Variants in TTC34 observed in about 807,000 individuals in gnomAD.
The protein encoded by TTC34 is tetratricopeptide repeat protein 34.
Under a neutral mutation model 40.7 loss-of-function variants are expected in TTC34, and 44 were observed. The ratio of observed to expected loss-of-function variants is 1.08; its 90% CI spans 0.85 to 1.39. TTC34 has a LOEUF of 1.39. TTC34 is among the 40% of genes most tolerant of loss of function. The pLI is 0.00. For missense variants in TTC34, 884 were observed against 838.0 expected (o/e 1.05, Z -0.68); for synonymous variants, 422 against 398.6 (o/e 1.06, Z -0.70).
chr1:2,787,404 G>C (rs1643604400), intron 4 of TTC34, 77 bp downstream of exon 4: 13 of 1,341,872 alleles, frequency 9.7e-6, no homozygotes, highest in Admixed American at 2.9e-5. Context: ...CCAGCGCCAG[G>C]GCCACGGGAG....
At position 2,767,380 on chromosome 1, in the gene TTC34, C is replaced by G. The variant is rs1327273302; in HGVS notation, c.2226+16229G>C. Among the ~76,000 whole-genome samples, 1,317 of 133,020 alleles carry G rather than the reference C, an allele frequency of 9.9e-3. 2 individuals carry two copies. Among genetic ancestry groups the G allele is most frequent in the Non-Finnish European group, 0.015 (917 of 61,796 alleles). 87.3% of individuals were successfully genotyped at this position (133,020 alleles called of 152,430 possible). On this transcript the variant is annotated intron_variant, in intron 6 of 8. Coordinates refer to ENST00000401095, the Ensembl canonical transcript of TTC34. ...TCCTCACTTCCAGGTGAGCATCCGA[C>G]AGCCTGGAGCAGCACCCACACCCCC...
intron 1 of TTC34, among the ~76,000 whole-genome samples, 177 bp from the exon 2 acceptor site, chr1:2,801,045 G>A (rs941741057): frequency 4.9e-4 from 75 of 152,176 alleles, no homozygotes; most frequent in Non-Finnish European, 1.8e-4. Flanking sequence ...CCTACCAGGT[G>A]TCCCAGGCCA....
At chr1:2,642,002 C>T in intron 8 of TTC34, 107 bp from the exon 9 acceptor site, 2 of 1,252,518 alleles carry the variant, frequency 1.6e-6, no homozygotes, top group Non-Finnish European at 2.1e-6. Context: ...TGCTGGCTCC[C>T]TGGGGATGGC....
intron 6 of TTC34, among the ~76,000 whole-genome samples, chr1:2,649,766 G>C (rs1279709430): frequency 6.6e-6 from 1 of 152,078 alleles, no homozygotes; most frequent in Admixed American, 6.5e-5. Flanking sequence ...CACCCACCTC[G>C]GCCTCCCAAA....
chr1:2,761,029 G>C lies in TTC34; in HGVS notation c.2226+22580C>G, dbSNP rs1300001100. 2.7e-5 allele frequency among the ~76,000 whole-genome samples: 2 copies of C among 73,370 alleles called. 1 individual carries two copies. Among genetic ancestry groups the C allele is most frequent in the Non-Finnish European group, 4.7e-5 (2 of 42,632 alleles). 48.1% of individuals were successfully genotyped at this position (73,370 alleles called of 152,430 possible). A position where few individuals can be genotyped will look rare whatever the true frequency, so the allele number is the denominator to read the frequency against. On this transcript the variant is annotated intron_variant, in intron 6 of 8. Coordinates refer to ENST00000401095, the Ensembl canonical transcript of TTC34. ...CCAGAGGTGAGCATATGACCACCTG[G>C]AGCAGCACCCACAGTCCCAGGTGAG...
At chr1:2,659,937 C>A (rs1639479975) in intron 6 of TTC34, among the ~76,000 whole-genome samples, 1 of 151,548 alleles carries the variant, frequency 6.6e-6, no homozygotes. Context: ...CAGACTGGAA[C>A]AGCACCCACA....
intron 6 of TTC34, among the ~76,000 whole-genome samples, chr1:2,771,474 G>T (rs1161415302): frequency 1.2e-5 from 1 of 83,244 alleles, no homozygotes; most frequent in Non-Finnish European, 2.2e-5. Flanking sequence ...GTCTGGAACA[G>T]CATCCACACC....
At chr1:2,649,010 T>A (rs1461138183) in intron 6 of TTC34, among the ~76,000 whole-genome samples, 1 of 147,888 alleles carries the variant, frequency 6.8e-6, no homozygotes, top group Non-Finnish European at 1.5e-5. Context: ...CACACCCAGT[T>A]GAGCATCTGA....
intron 6 of TTC34, among the ~76,000 whole-genome samples, chr1:2,688,120 A>T (rs970874792): frequency 6.7e-6 from 1 of 148,356 alleles, no homozygotes; most frequent in African/African-American, 2.5e-5. Flanking sequence ...CTGGAACAGC[A>T]CCCACACCCC....
intron 6 of TTC34, among the ~76,000 whole-genome samples, chr1:2,698,536 GAGCATCGGGCAGCCTGGAGCAGCACCCA>G (rs1640973499): frequency 7.6e-6 from 1 of 131,304 alleles, no homozygotes; most frequent in Non-Finnish European, 1.6e-5. Flanking sequence ...ACCCCCAGGT[GAGCATCGGGCAGCCTGGAGCAGCACCCA>G]CACCCCCAGA....
At chr1:2,747,756 ACC>A (rs1641200253) in intron 6 of TTC34, among the ~76,000 whole-genome samples, 1 of 119,502 alleles carries the variant, frequency 8.4e-6, no homozygotes. Flanking sequence ...CAGCACCCAC[ACC>A]CCCAGGTGAG....
rs368484482 is a variant in TTC34 at position 2,694,836 on chromosome 1, A to C, written c.2227-49273T>G. Among the ~76,000 whole-genome samples, 2 of 90,904 alleles carry C rather than the reference A, an allele frequency of 2.2e-5. 1 individual carries two copies. The highest frequency in any genetic ancestry group is 5.7e-4 in the East Asian group (2 of 3,498). 59.6% of individuals were successfully genotyped at this position (90,904 alleles called of 152,430 possible). The stretch of plus-strand genomic sequence containing the variant: ...AGCCTGGAACGACACCCACACCCCC[A>C]GGTGAGCATCTGATGGTCTGGAGCA... On this transcript the variant is annotated intron_variant, in intron 6 of 8. Transcript: ENST00000401095.
At chr1:2,759,538 A>T (rs1641622431) in intron 6 of TTC34, among the ~76,000 whole-genome samples, 1 of 150,806 alleles carries the variant, frequency 6.6e-6, no homozygotes, top group African/African-American at 2.5e-5. Flanking sequence ...AGCATCTGAC[A>T]GCCTGGAACA....
intron 6 of TTC34, among the ~76,000 whole-genome samples, chr1:2,771,556 ACACACAACCCCAGGCGAGCATCTGACAG>A (rs1642150251): frequency 1.6e-5 from 1 of 61,500 alleles, no homozygotes; most frequent in Non-Finnish European, 2.8e-5. Context: ...CTGGAGCAGC[ACACACAACCCCAGGCGAGCATCTGACAG>A]CCTGGAGCAG....
chr1:2,642,144 T>G (rs1376539946), intron 8 of TTC34, among the ~76,000 whole-genome samples: 1 of 152,164 alleles, frequency 6.6e-6, no homozygotes, highest in Non-Finnish European at 1.5e-5. Context: ...CCTGCCAAAG[T>G]GCTGTTCCGA....
At chr1:2,780,845 G>C (rs577463355) in intron 6 of TTC34, among the ~76,000 whole-genome samples, 129 of 152,104 alleles carry the variant, frequency 8.5e-4, no homozygotes, top group Non-Finnish European at 1.6e-3. Flanking sequence ...GATCACTTTG[G>C]GTAATACTGA....
At chr1:2,750,681 C>CAAA (rs1641288527) in intron 6 of TTC34, among the ~76,000 whole-genome samples, 5 of 127,210 alleles carry the variant, frequency 3.9e-5, no homozygotes, top group Admixed American at 2.5e-4. Flanking sequence ...GAACAGCACC[C>CAAA]TGCACCCCCA....
exon 9 of TTC34, chr1:2,638,713 G>A (rs867702888): frequency 6.6e-6 from 1 of 152,340 alleles, no homozygotes; most frequent in African/African-American, 2.4e-5. Flanking sequence ...ATGCCTTAAG[G>A]GCTGCTGGTT....
chr1:2,777,976 C>T (rs1275636768), intron 6 of TTC34, among the ~76,000 whole-genome samples: 1 of 152,154 alleles, frequency 6.6e-6, no homozygotes, highest in African/African-American at 2.4e-5. Context: ...AGATGTCTGT[C>T]CAGTGCAGGA....
Sources: allele counts gnomAD v4.1 joint callset (sites outside exome capture counted in the v4.1 genomes callset), GRCh38; gene constraint gnomAD v4.1.1; transcripts MANE v1.5; gene names NCBI Gene and HGNC (gene_info 2026-07-23, HGNC 2026-07-21).